Variants in METTL4 observed in about 807,000 individuals in gnomAD.
METTL4 encodes methyltransferase 4, N6-adenosine, also known as N(6)-adenine-specific methyltransferase METTL4.
METTL4 carries 40 observed loss-of-function variants against 54.0 expected under a neutral mutation model. The ratio of observed to expected loss-of-function variants is 0.74; its 90% CI spans 0.58 to 0.96. METTL4 has a LOEUF of 0.96. Among genes scored for constraint, METTL4 ranks in the 50% least tolerant of loss-of-function variants. The pLI, the probability that METTL4 is intolerant of heterozygous loss-of-function variation, is 0.00. For synonymous variants in METTL4, 169 were observed against 183.8 expected (o/e 0.92, Z 0.65); for missense variants, 525 against 549.0 (o/e 0.96, Z 0.44).
In METTL4 at chr18:2,554,888, T is replaced by C. The variant is rs747378722; in HGVS notation, c.610A>G (p.Met204Val). The change falls in exon 4 of 9, where the codon ATG becomes GTG. Residue 204 changes from methionine to valine, a missense_variant. Coordinates refer to ENST00000574538, the MANE Select transcript of METTL4 (RefSeq NM_022840.5). ...TTCAGAGAAGGCAAATGCTTTGCCA[T>C]TTCACATAATTCTGACAAACTGCAG... ...DACSLSELCEMAKHLPSLNEM... is the reference protein window; with the variant it reads ...DACSLSELCEVAKHLPSLNEM... 1.2e-6 allele frequency: 2 copies of C among 1,614,122 alleles called. No homozygotes were observed. Among genetic ancestry groups the C allele is most frequent in the Non-Finnish European group, 1.7e-6 (2 of 1,179,970 alleles).
In METTL4 at chr18:2,551,040, T is replaced by C. The variant is rs563056689; in HGVS notation, c.899+1655A>G. Among the ~76,000 whole-genome samples the C allele has an allele frequency of 8.6e-5, 13 of 151,008 alleles. No individual in the cohort carries two copies. In the South Asian group the frequency reaches 2.3e-3, roughly 27 times the overall value. The stretch of plus-strand genomic sequence containing the variant: ...TTAGCCGGGCGTGGTAGCGGGCGCC[T>C]GTAGTCCCAGCTACTCGGGAGGCTG... On this transcript the variant is annotated intron_variant, in intron 5 of 8. Transcript: ENST00000574538.
Position 2,539,143 on chromosome 18 carries a change from CCT to C in METTL4, c.1274_1275del (p.Glu425GlyfsTer26). On this transcript the variant is annotated frameshift_variant and splice_region_variant, in exon 9 of 9. Transcript: ENST00000574538. LOFTEE classifies it high-confidence loss of function. ...TLHSHKPPLA[E>X]VLKDYIKPDG... is the part of the protein sequence containing the mutation. ...TCTGGCTTGATGTAGTCTTTTAAAACCTCTGTTTAAAAAAGAGAAAAAACACA... is the reference window on the plus strand; with the variant it reads ...TCTGGCTTGATGTAGTCTTTTAAAACCTGTTTAAAAAAGAGAAAAAACACA... The C allele has an allele frequency of 6.2e-7, 1 of 1,611,222 alleles. No individual in the cohort carries two copies. Among genetic ancestry groups the C allele is most frequent in the Non-Finnish European group, 8.5e-7 (1 of 1,178,812 alleles).
At chr18:2,544,963 TTTAA>T (rs1444326786) in intron 6 of METTL4, among the ~76,000 whole-genome samples, 2 of 152,150 alleles carry the variant, frequency 1.3e-5, no homozygotes, top group Non-Finnish European at 2.9e-5. Flanking sequence ...TAATTATATA[TTTAA>T]TTCAGTCTAA....
intron 8 of METTL4, chr18:2,539,977 G>A (rs2071970931): frequency 1.0e-6 from 1 of 976,896 alleles, no homozygotes; most frequent in African/African-American, 1.8e-5. Flanking sequence ...AGCCCCCTTA[G>A]CAGTAAATTG....
At chr18:2,544,340 C>T (rs2072038866) in intron 7 of METTL4, 54 bp from the exon 8 acceptor site, 2 of 1,279,048 alleles carry the variant, frequency 1.6e-6, no homozygotes, top group East Asian at 2.5e-5. Flanking sequence ...ATTTTCTATA[C>T]ATAAGCCACA....
intron 4 of METTL4, 125 bp downstream of exon 4, chr18:2,554,544 C>A: frequency 2.4e-6 from 2 of 827,622 alleles, no homozygotes; most frequent in South Asian, 3.5e-5. Context: ...GACAAATAAC[C>A]CAAGGAAAAG....
chr18:2,566,189 T>C (rs1437071106), intron 2 of METTL4, among the ~76,000 whole-genome samples: 1 of 151,924 alleles, frequency 6.6e-6, no homozygotes, highest in African/African-American at 2.4e-5. Flanking sequence ...CTGAAAGAGA[T>C]AAAAAGTATT....
intron 8 of METTL4, chr18:2,539,806 C>A: frequency 1.1e-6 from 1 of 946,098 alleles, no homozygotes; most frequent in Non-Finnish European, 1.3e-6. Flanking sequence ...AAATATAACC[C>A]ATACATGAAA....
intron 5 of METTL4, 91 bp downstream of exon 5, chr18:2,552,604 A>G: frequency 1.2e-6 from 1 of 811,320 alleles, no homozygotes; most frequent in Non-Finnish European, 2.0e-6. Flanking sequence ...CAGATAATCT[A>G]TATCATAAAG....
In METTL4 at chr18:2,554,933, T is replaced by G. The variant is rs2072216541; in HGVS notation, c.565A>C (p.Ile189Leu). Residue 189 changes from isoleucine (I) to leucine (L), a missense_variant, in exon 4 of 9, where the codon ATT becomes CTT. By Grantham distance (5) the Ile-to-Leu change is conservative. Transcript: ENST00000574538. The stretch of plus-strand genomic sequence containing the variant: ...CTGCAGGCGTCAAGTGGTAAAGTAA[T>G]GGGCTTACTACCCTTGTCCTGTTTT... ...FEKQDKGSKPITLPLDACSLS... is the reference protein window; with the variant it reads ...FEKQDKGSKPLTLPLDACSLS... 1.2e-6 allele frequency: 2 copies of G among 1,614,008 alleles called. No individual in the cohort carries two copies. The highest frequency in any genetic ancestry group is 1.7e-5 in the Admixed American group (1 of 60,012).
intron 5 of METTL4, among the ~76,000 whole-genome samples, chr18:2,551,163 CAAAAAAAAAAAAA>C (rs752257490): frequency 4.1e-5 from 2 of 49,288 alleles, no homozygotes; most frequent in East Asian, 5.8e-4. Flanking sequence ...GACTCCGTCT[CAAAAAAAAAAAAA>C]AAAAAAAAAG....
intron 1 of METTL4, among the ~76,000 whole-genome samples, chr18:2,567,874 T>C (rs957750871): frequency 1.5e-4 from 23 of 152,288 alleles, no homozygotes; most frequent in African/African-American, 5.5e-4. Flanking sequence ...AAGAAAAAAT[T>C]GTTCTAGTCA....
At chr18:2,557,117 C>T (rs1174516365) in intron 3 of METTL4, among the ~76,000 whole-genome samples, 1 of 151,856 alleles carries the variant, frequency 6.6e-6, no homozygotes, top group Non-Finnish European at 1.5e-5. Flanking sequence ...CTGGAAGAAT[C>T]CCTGAGTTGA....
intron 6 of METTL4, among the ~76,000 whole-genome samples, chr18:2,547,045 A>T (rs1428246578): frequency 6.6e-6 from 1 of 152,192 alleles, no homozygotes; most frequent in Non-Finnish European, 1.5e-5. Flanking sequence ...GGTGATACAC[A>T]ATTCCCCAAA....
intron 3 of METTL4, among the ~76,000 whole-genome samples, chr18:2,558,127 T>C (rs147776376): frequency 1.4e-3 from 211 of 152,212 alleles, no homozygotes; most frequent in African/African-American, 4.6e-3. Context: ...GAACACTGCA[T>C]CTAACAATTT....
rs112970145 is a variant in METTL4, at chr18:2,571,353, C to T, written c.-643G>A. 7.2e-4 allele frequency: 110 copies of T among 152,392 alleles called. No homozygotes were observed. Among genetic ancestry groups the T allele is most frequent in the African/African-American group, 2.4e-3 (100 of 41,582 alleles). 9.4% of individuals were successfully genotyped at this position (152,392 alleles called of 1,614,324 possible). A position where few individuals can be genotyped will look rare whatever the true frequency, so the allele number is the denominator to read the frequency against. ...GTTGAGCGTTCAGGGCACTCCTCGG[C>T]GCTCAAGCTGCCCACAGGTCTTCCG... is the stretch of plus-strand genomic sequence containing the variant. On this transcript the variant is annotated 5_prime_UTR_variant, in exon 1 of 9. Coordinates refer to ENST00000574538, the MANE Select transcript of METTL4 (RefSeq NM_022840.5).
In METTL4 at chr18:2,539,072, C is replaced by A; in HGVS notation, c.1347G>T (p.Trp449Cys). 1 of 1,613,962 alleles carries A rather than the reference C, an allele frequency of 6.2e-7. No individual in the cohort carries two copies. The highest frequency in any genetic ancestry group is 2.2e-5 in the East Asian group (1 of 44,862). Reference sequence around the variant, plus strand: ...TGAGAACTTCATTGCCCCAACTAGTCCAACCTGGCTGTAAATTTCGAGCAA... The same window carrying A: ...TGAGAACTTCATTGCCCCAACTAGTACAACCTGGCTGTAAATTTCGAGCAA... ...ELFARNLQPG[W>C]TSWGNEVLKF... The change falls in exon 9 of 9, where the codon TGG (tryptophan) becomes TGT (cysteine). Residue 449 changes from tryptophan to cysteine, a missense_variant. Trp to Cys is a radical substitution (Grantham distance 215). Transcript: ENST00000574538.
chr18:2,563,180 ATTGTT>A (rs1485230163), intron 3 of METTL4, among the ~76,000 whole-genome samples: 1 of 152,180 alleles, frequency 6.6e-6, no homozygotes, highest in African/African-American at 2.4e-5. Flanking sequence ...CTCTTAATAT[ATTGTT>A]TTATCTAGAC....
chr18:2,539,119 C>G lies in METTL4; in HGVS notation c.1300G>C (p.Asp434His). The stretch of plus-strand genomic sequence containing the variant: ...GCAAACAACTCCAAATATTCCCCAT[C>G]TGGCTTGATGTAGTCTTTTAAAACC... ...AEVLKDYIKPDGEYLELFARN... is the reference protein window; with the variant it reads ...AEVLKDYIKPHGEYLELFARN... Residue 434 changes from aspartate to histidine, a missense_variant, in exon 9 of 9, where the codon GAT (aspartate) becomes CAT (histidine). Asp to His is a moderately conservative substitution (Grantham distance 81). Transcript: ENST00000574538. The G allele has an allele frequency of 6.2e-7, 1 of 1,613,958 alleles. No individual in the cohort carries two copies. Among genetic ancestry groups the G allele is most frequent in the Non-Finnish European group, 8.5e-7 (1 of 1,179,882 alleles).
Sources: gnomAD v4.1 joint callset for allele counts (sites outside exome capture counted in the v4.1 genomes callset) on GRCh38, gnomAD v4.1.1 for gene constraint, MANE v1.5 for transcripts, NCBI Gene and HGNC (gene_info 2026-07-23, HGNC 2026-07-21) for gene names.